Variants in UGT2A2 observed in about 807,000 individuals in gnomAD.
UGT2A2 encodes the protein UDP glucuronosyltransferase family 2 member A2.
Under a neutral mutation model 50.7 loss-of-function variants are expected in UGT2A2, and 60 were observed. The ratio of observed to expected loss-of-function variants is 1.18; its 90% confidence interval spans 0.96 to 1.47. UGT2A2 has a LOEUF of 1.47. UGT2A2 is among the 40% of genes most tolerant of loss of function. The probability of loss-of-function intolerance (pLI) is 0.00; values close to 1 mark genes in which losing one functional copy is unlikely to be tolerated. For missense variants in UGT2A2, 762 were observed against 634.0 expected, an observed-to-expected ratio of 1.20 and a Z score of -2.17; for synonymous variants, 242 against 214.6, an observed-to-expected ratio of 1.13 and a Z score of -1.11.
At chr4:69,622,489 C>T (rs1395139358) in intron 1 of UGT2A2, among the ~76,000 whole-genome samples, 1 of 151,636 alleles carries the variant, frequency 6.6e-6, no homozygotes, top group Non-Finnish European at 1.5e-5. Flanking sequence ...TACAAACTCA[C>T]TAAATAAATA....
chr4:69,604,424 T>C (rs1343140585), intron 1 of UGT2A2, among the ~76,000 whole-genome samples: 1 of 136,614 alleles, frequency 7.3e-6, no homozygotes, highest in Non-Finnish European at 1.6e-5. Flanking sequence ...AAGGAAGCAC[T>C]AAACATAGAA....
At chr4:69,627,548 AAG>A (rs780406424) in intron 1 of UGT2A2, among the ~76,000 whole-genome samples, 31 of 62,542 alleles carry the variant, frequency 5.0e-4, no homozygotes, top group South Asian at 2.8e-3. Flanking sequence ...GAGAGAGAGA[AAG>A]AGAGAGAGAG....
Position 69,606,966 on chromosome 4 carries a change from T to C in UGT2A2, c.743-7572A>G, listed in dbSNP as rs1263483242. 4.4e-5 allele frequency among the ~76,000 whole-genome samples: 6 copies of C among 136,452 alleles called. 1 individual carries two copies. 89.5% of individuals were successfully genotyped at this position (136,452 alleles called of 152,430 possible). On this transcript the variant is annotated intron_variant, in intron 1 of 5. Transcript: ENST00000604629. Reference sequence around the variant, plus strand: ...ATTCCATGCTCATGGGTAGGAAGAATCAATATCGAGAAAATGGCCATACTG... The same window carrying C: ...ATTCCATGCTCATGGGTAGGAAGAACCAATATCGAGAAAATGGCCATACTG...
At chr4:69,614,629 C>A in intron 1 of UGT2A2, among the ~76,000 whole-genome samples, 1 of 152,012 alleles carries the variant, frequency 6.6e-6, no homozygotes, top group Non-Finnish European at 1.5e-5. Context: ...GACATATAGA[C>A]CAATGGAATA....
chr4:69,589,708 A>G, intron 5 of UGT2A2, 57 bp from the exon 6 acceptor site: 2 of 1,558,650 alleles, frequency 1.3e-6, no homozygotes, highest in Non-Finnish European at 1.7e-6. Context: ...TTTTCATTGA[A>G]GATAAATATG....
In UGT2A2 at chr4:69,639,348, T is replaced by C. The variant is rs761639777; in HGVS notation, c.293A>G (p.His98Arg). Residue 98 changes from histidine (H) to arginine (R), a missense_variant, in exon 1 of 6, where the codon CAT (histidine) becomes CGT (arginine). Transcript: ENST00000604629. ...ATGGTCAATCCACAGCATTATCATATGCTCAATTAAGGAATCTATATTGCT... is the reference window on the plus strand; with the variant it reads ...ATGGTCAATCCACAGCATTATCATACGCTCAATTAAGGAATCTATATTGCT... ...KKSNIDSLIE[H>R]MIMLWIDHRP... 1 of 1,613,760 alleles carries C rather than the reference T, an allele frequency of 6.2e-7. No individual in the cohort carries two copies. Among genetic ancestry groups the C allele is most frequent in the Non-Finnish European group, 8.5e-7 (1 of 1,179,758 alleles).
intron 1 of UGT2A2, among the ~76,000 whole-genome samples, chr4:69,615,942 G>C (rs1185920663): frequency 6.6e-6 from 1 of 151,996 alleles, no homozygotes; most frequent in African/African-American, 2.4e-5. Flanking sequence ...GTATATCAAA[G>C]AAATATCTGT....
intron 1 of UGT2A2, among the ~76,000 whole-genome samples, chr4:69,622,311 G>T (rs558311823): frequency 2.6e-5 from 4 of 151,482 alleles, no homozygotes; most frequent in African/African-American, 7.3e-5. Flanking sequence ...TGGGAAATTG[G>T]CATACAAAAA....
chr4:69,613,261 T>A (rs965559168), intron 1 of UGT2A2, among the ~76,000 whole-genome samples: 4 of 151,846 alleles, frequency 2.6e-5, no homozygotes, highest in Non-Finnish European at 5.9e-5. Flanking sequence ...CCTAGACATA[T>A]ATAGCCCATA....
chr4:69,606,533 C>T lies in UGT2A2; in HGVS notation c.743-7139G>A, dbSNP rs1418261689. Among the ~76,000 whole-genome samples, 2 of 136,376 alleles carry T rather than the reference C, an allele frequency of 1.5e-5. 1 individual carries two copies. The highest frequency in any genetic ancestry group is 1.4e-4 in the Admixed American group (2 of 13,856). The allele number at this position is 136,376 out of a possible 152,430, so 89.5% of individuals were successfully genotyped here. A position where few individuals can be genotyped will look rare whatever the true frequency, so the allele number is the denominator to read the frequency against. ...GGCACAAGACAGGGATGCCCTCTCT[C>T]ACCACTCCTATTCAACATAGTGTTG... On this transcript the variant is annotated intron_variant, in intron 1 of 5. Coordinates refer to ENST00000604629, the MANE Select transcript of UGT2A2 (RefSeq NM_001105677.2).
chr4:69,635,871 A>C (rs1300047857), intron 1 of UGT2A2: 1 of 148,308 alleles, frequency 6.7e-6, no homozygotes, highest in Admixed American at 6.9e-5. Context: ...GAGAGAAATA[A>C]GGTTCAGTTA....
chr4:69,631,211 TATACTG>T (rs1158980314), intron 1 of UGT2A2, among the ~76,000 whole-genome samples: 2 of 152,144 alleles, frequency 1.3e-5, no homozygotes, highest in Non-Finnish European at 2.9e-5. Context: ...CAAAGATACC[TATACTG>T]TTTTAGTGAA....
chr4:69,610,803 T>C (rs766283876), intron 1 of UGT2A2, among the ~76,000 whole-genome samples: 1 of 152,184 alleles, frequency 6.6e-6, no homozygotes, highest in East Asian at 1.9e-4. Context: ...TTTGGACGTC[T>C]AGCCATCAGA....
At chr4:69,624,422 T>A (rs770749152) in intron 1 of UGT2A2, among the ~76,000 whole-genome samples, 15 of 151,536 alleles carry the variant, frequency 9.9e-5, no homozygotes, top group Non-Finnish European at 1.6e-4. Flanking sequence ...TTTGACAATG[T>A]CTAACTATTG....
Position 69,589,186 on chromosome 4 carries a change from G to A in UGT2A2, c.*186C>T. The stretch of plus-strand genomic sequence containing the variant: ...AAAAATAGAAGACTATAACTCACAA[G>A]TTAATAATAATCATGCCAAAATCTA... On this transcript the variant is annotated 3_prime_UTR_variant, in exon 6 of 6. Coordinates refer to ENST00000604629, the MANE Select transcript of UGT2A2 (RefSeq NM_001105677.2). The A allele has an allele frequency of 1.4e-6, 1 of 730,924 alleles. No individual in the cohort carries two copies. 45.3% of individuals were successfully genotyped at this position (730,924 alleles called of 1,614,324 possible). A position where few individuals can be genotyped will look rare whatever the true frequency, so the allele number is the denominator to read the frequency against.
At position 69,615,709 on chromosome 4, in the gene UGT2A2, C is replaced by T. The variant is rs1461494864; in HGVS notation, c.743-16315G>A. On this transcript the variant is annotated intron_variant, in intron 1 of 5. Coordinates refer to ENST00000604629, the MANE Select transcript of UGT2A2 (RefSeq NM_001105677.2). ...ATGGCTTTTACCACCCTGACCCCGC[C>T]GCAAAAACAAACAAGCAAACAAACA... 3.3e-5 allele frequency among the ~76,000 whole-genome samples: 5 copies of T among 151,658 alleles called. No individual in the cohort carries two copies. In the East Asian group the frequency reaches 9.7e-4, roughly 29 times the overall value.
At chr4:69,609,913 T>C (rs1479150400) in intron 1 of UGT2A2, among the ~76,000 whole-genome samples, 2 of 152,196 alleles carry the variant, frequency 1.3e-5, no homozygotes, top group Non-Finnish European at 2.9e-5. Flanking sequence ...ATTGTATCTC[T>C]ACACTAATGT....
In UGT2A2 at chr4:69,606,702, C is replaced by T; in HGVS notation, c.743-7308G>A. Among the ~76,000 whole-genome samples the T allele has an allele frequency of 1.5e-5, 2 of 136,824 alleles. 1 individual carries two copies. The highest frequency in any genetic ancestry group is 3.1e-5 in the Non-Finnish European group (2 of 64,328). The allele number at this position is 136,824 out of a possible 152,430, so 89.8% of individuals were successfully genotyped here. ...CGTCTCAGCCCAAAATCTCCTTAAG[C>T]TGATAAGCAACTTCAGCAAAGTCTC... On this transcript the variant is annotated intron_variant, in intron 1 of 5. Transcript: ENST00000604629.
chr4:69,627,837 A>G (rs1355460488), intron 1 of UGT2A2, among the ~76,000 whole-genome samples: 1 of 151,954 alleles, frequency 6.6e-6, no homozygotes, highest in Non-Finnish European at 1.5e-5. Context: ...TAGAAAATTT[A>G]TAAATGTCAT....
Sources: allele counts gnomAD v4.1 joint callset (sites outside exome capture counted in the v4.1 genomes callset), GRCh38; gene constraint gnomAD v4.1.1; transcripts MANE v1.5; gene names NCBI Gene and HGNC (gene_info 2026-07-23, HGNC 2026-07-21).